IGSF11: variants seen among roughly 807,000 people sequenced by gnomAD.
IGSF11 encodes the protein immunoglobulin superfamily member 11.
Under a neutral mutation model 41.0 loss-of-function variants are expected in IGSF11, and 22 were observed. The observed-to-expected ratio is 0.54, with a 90% confidence interval of 0.38 to 0.77. The LOEUF is 0.77. IGSF11 is among the 30% of genes least tolerant of loss of function. The pLI is 0.00. For missense variants in IGSF11, 444 were observed against 530.8 expected (o/e 0.84, Z 1.61); for synonymous variants, 219 against 201.3 (o/e 1.09, Z -0.74).
chr3:118,933,365 C>T (rs1045097123), intron 1 of IGSF11, among the ~76,000 whole-genome samples: 3 of 151,896 alleles, frequency 2.0e-5, no homozygotes, highest in Admixed American at 2.0e-4. Flanking sequence ...CAGTACCAGA[C>T]GCTGAGGATG....
chr3:119,014,483 T>G (rs1347805598), intron 1 of IGSF11, among the ~76,000 whole-genome samples: 1 of 152,194 alleles, frequency 6.6e-6, no homozygotes, highest in Non-Finnish European at 1.5e-5. Flanking sequence ...AGTATTTTAT[T>G]GAGATGGAAA....
chr3:118,906,733 T>A (rs1046447235), intron 4 of IGSF11, among the ~76,000 whole-genome samples: 1 of 152,226 alleles, frequency 6.6e-6, no homozygotes, highest in African/African-American at 2.4e-5. Flanking sequence ...TTTATTCCTA[T>A]AAAATACAAA....
intron 1 of IGSF11, among the ~76,000 whole-genome samples, chr3:119,021,763 T>C (rs927145202): frequency 2.0e-5 from 3 of 152,078 alleles, no homozygotes; most frequent in African/African-American, 7.2e-5. Flanking sequence ...CTTTATGACA[T>C]TGAGAAAGGC....
chr3:119,057,444 T>G (rs987445567), intron 1 of IGSF11, among the ~76,000 whole-genome samples: 2 of 152,110 alleles, frequency 1.3e-5, no homozygotes, highest in African/African-American at 4.8e-5. Flanking sequence ...TGAGGAGAAC[T>G]ACAAACCACT....
At chr3:118,912,165 C>T (rs1243678552) in intron 4 of IGSF11, among the ~76,000 whole-genome samples, 2 of 152,126 alleles carry the variant, frequency 1.3e-5, no homozygotes, top group African/African-American at 4.8e-5. Context: ...TTTAAAAACA[C>T]ATTTTAAAGT....
At chr3:119,049,226 C>T (rs1006114612) in intron 1 of IGSF11, among the ~76,000 whole-genome samples, 31 of 151,522 alleles carry the variant, frequency 2.0e-4, no homozygotes, top group Admixed American at 2.0e-3. Context: ...TTGCAGATGA[C>T]ATGATTGTAT....
intron 1 of IGSF11, among the ~76,000 whole-genome samples, chr3:118,933,491 C>T (rs868061922): frequency 0.012 from 1,672 of 136,740 alleles, 21 homozygotes; most frequent in African/African-American, 0.035. Flanking sequence ...TATATATATA[C>T]ACACACACAC....
intron 1 of IGSF11, among the ~76,000 whole-genome samples, chr3:119,091,752 G>T (rs925521003): frequency 2.6e-5 from 4 of 152,058 alleles, no homozygotes; most frequent in Admixed American, 2.0e-4. Context: ...CAGATACTGT[G>T]CTCATTACCT....
At chr3:119,028,596 G>GA (rs202111054) in intron 1 of IGSF11, among the ~76,000 whole-genome samples, 5,625 of 151,454 alleles carry the variant, frequency 0.037, 182 homozygotes, top group Non-Finnish European at 0.048. Context: ...AATTCCTTAG[G>GA]AAAAAATATT....
chr3:119,094,786 C>G (rs1245827763), intron 1 of IGSF11, among the ~76,000 whole-genome samples: 1 of 151,754 alleles, frequency 6.6e-6, no homozygotes, highest in African/African-American at 2.4e-5. Flanking sequence ...ATTCTCCTGC[C>G]TCAGCCTGCC....
At chr3:119,137,410 A>C (rs2077577700) in intron 1 of IGSF11, among the ~76,000 whole-genome samples, 1 of 152,200 alleles carries the variant, frequency 6.6e-6, no homozygotes, top group Non-Finnish European at 1.5e-5. Flanking sequence ...CCCAGAAGTA[A>C]ATCTATACAT....
intron 4 of IGSF11, among the ~76,000 whole-genome samples, chr3:118,918,878 C>A (rs1395564624): frequency 2.6e-5 from 3 of 113,428 alleles, no homozygotes. Context: ...GCTACAGTAA[C>A]CAAAACAGCA....
chr3:119,108,435 T>C (rs2077076204), upstream of IGSF11, among the ~76,000 whole-genome samples: 1 of 149,212 alleles, frequency 6.7e-6, no homozygotes, highest in Admixed American at 6.7e-5. Context: ...TGTACATTGA[T>C]TTTGTATCCT....
chr3:119,080,469 C>T (rs573956931), intron 1 of IGSF11, among the ~76,000 whole-genome samples: 14 of 152,236 alleles, frequency 9.2e-5, no homozygotes, highest in South Asian at 8.3e-4. Context: ...CAATTTCAGC[C>T]GACAGATTTT....
intron 4 of IGSF11, among the ~76,000 whole-genome samples, chr3:118,919,462 CA>C (rs2107510654): frequency 8.4e-6 from 1 of 118,454 alleles, no homozygotes; most frequent in East Asian, 2.5e-4. Flanking sequence ...CATGAACAGA[CA>C]CTTCTCAAAA....
intron 1 of IGSF11, among the ~76,000 whole-genome samples, chr3:119,117,542 C>T (rs186815277): frequency 9.2e-4 from 140 of 152,254 alleles, no homozygotes; most frequent in Non-Finnish European, 1.7e-3. Flanking sequence ...GTCCCTCCCA[C>T]GACACATGGA....
At chr3:118,907,445 A>G (rs1939748882) in intron 4 of IGSF11, among the ~76,000 whole-genome samples, 1 of 152,182 alleles carries the variant, frequency 6.6e-6, no homozygotes, top group East Asian at 1.9e-4. Flanking sequence ...AGCCAGTGCT[A>G]GAGAACAGAG....
At chr3:118,951,979 T>C (rs1264328354) in intron 1 of IGSF11, among the ~76,000 whole-genome samples, 3 of 152,120 alleles carry the variant, frequency 2.0e-5, no homozygotes, top group Non-Finnish European at 4.4e-5. Flanking sequence ...ACCTCAGAGA[T>C]ATTAGAGATT....
At position 119,001,739 on chromosome 3, in the gene IGSF11, G is replaced by T. The variant is rs1368883923; in HGVS notation, c.52+32792C>A. On this transcript the variant is annotated intron_variant, in intron 1 of 6. Transcript: ENST00000393775. ...ATGCAGTGTTTGGTTTTTTGTTCTT[G>T]TGATAGTTTACTGAGAATGATGGTT... Among the ~76,000 whole-genome samples, 4 of 149,838 alleles carry T rather than the reference G, an allele frequency of 2.7e-5. No individual in the cohort carries two copies. The East Asian group carries it at 7.9e-4, about 29-fold the overall frequency.
Sources: gnomAD v4.1 joint callset for allele counts (sites outside exome capture counted in the v4.1 genomes callset) on GRCh38, gnomAD v4.1.1 for gene constraint, MANE v1.5 for transcripts, NCBI Gene and HGNC (gene_info 2026-07-23, HGNC 2026-07-21) for gene names.